Variants in SQSTM1 observed in about 807,000 individuals in gnomAD.
SQSTM1 encodes the protein sequestosome-1.
A neutral mutation model predicts 45.1 loss-of-function variants in SQSTM1; 36 were observed. The observed-to-expected ratio is 0.80, with a 90% CI of 0.61 to 1.05. The LOEUF (loss-of-function observed/expected upper bound fraction) is 1.05, where lower values mean the gene tolerates loss of function less well. Ranked by LOEUF, SQSTM1 falls within the 50% of genes least tolerant of loss-of-function variation. SQSTM1 has a pLI of 0.00. For missense variants in SQSTM1, 617 were observed against 607.1 expected (o/e 1.02, Z -0.17); for synonymous variants, 290 against 244.3 (o/e 1.19, Z -1.74).
At position 179,824,251 on chromosome 5, in the gene SQSTM1, G is replaced by T; in HGVS notation, c.601G>T (p.Gly201Cys). 6.2e-7 allele frequency: 1 copy of T among 1,613,850 alleles called. No individual in the cohort carries two copies. The highest frequency in any genetic ancestry group is 8.5e-7 in the Non-Finnish European group (1 of 1,180,054). ...GHFGWPGWEM[G>C]PPGNWSPRPP... ...CTTCGGGTGGCCAGGATGGGAAATGGGTCCACCAGGAAACTGGAGCCCACG... is the reference window on the plus strand; with the variant it reads ...CTTCGGGTGGCCAGGATGGGAAATGTGTCCACCAGGAAACTGGAGCCCACG... The change falls in exon 4 of 8, where the codon GGT (glycine) becomes TGT (cysteine). Residue 201 changes from glycine to cysteine, a missense_variant. By Grantham distance (159) the Gly-to-Cys change is radical (BLOSUM62 -3). Coordinates refer to ENST00000389805, the MANE Select transcript of SQSTM1 (RefSeq NM_003900.5).
At chr5:179,825,085 G>A in intron 4 of SQSTM1, 61 bp from the exon 5 acceptor site, 1 of 1,549,434 alleles carries the variant, frequency 6.5e-7, no homozygotes, top group South Asian at 1.1e-5. Context: ...AAGGTGACAG[G>A]ACTGTGACAG....
intron 7 of SQSTM1, chr5:179,835,134 C>CT: frequency 4.7e-6 from 1 of 214,654 alleles, no homozygotes; most frequent in Non-Finnish European, 9.6e-6. Context: ...GACAGGGCGG[C>CT]GGGGCAGAGG....
intron 5 of SQSTM1, among the ~76,000 whole-genome samples, chr5:179,827,211 C>T (rs1310785303): frequency 1.1e-4 from 17 of 149,256 alleles, no homozygotes; most frequent in Non-Finnish European, 4.5e-5. Flanking sequence ...TGGGGTCACA[C>T]TGTCTCAAGA....
In SQSTM1 at chr5:179,823,876, G is replaced by A. The variant is rs1757884834; in HGVS notation, c.320G>A (p.Arg107Gln). 2 of 1,612,616 alleles carry A rather than the reference G, an allele frequency of 1.2e-6. No individual in the cohort carries two copies. The highest frequency in any genetic ancestry group is 1.1e-5 in the South Asian group (1 of 91,062). Residue 107 changes from arginine (R) to glutamine (Q), a missense_variant, in exon 3 of 8, where the codon CGG becomes CAG. Transcript: ENST00000389805. ...IYIKEKKECR[R>Q]DHRPPCAQEA... ...CCTGTAGAGAAAAAAGAGTGCCGGC[G>A]GGACCACCGCCCACCGTGTGCTCAG... is the stretch of plus-strand genomic sequence containing the variant.
At chr5:179,824,694 C>T (rs1757925715) in intron 4 of SQSTM1, among the ~76,000 whole-genome samples, 1 of 152,126 alleles carries the variant, frequency 6.6e-6, no homozygotes, top group Admixed American at 6.6e-5. Context: ...TGCTGAAGTC[C>T]TTTGAAACAT....
At chr5:179,810,181 C>A (rs1185069769) in intron 1 of SQSTM1, among the ~76,000 whole-genome samples, 1 of 152,048 alleles carries the variant, frequency 6.6e-6, no homozygotes, top group Non-Finnish European at 1.5e-5. Context: ...AGGTTTGTTA[C>A]ATATGTATAC....
chr5:179,836,789 T>C lies in SQSTM1; in HGVS notation c.*196T>C. ...TCCCTGTGTGTGTGTGTGCTGATGT[T>C]TCCTGGGTGCCCTGGCTCCTTGCAG... On this transcript the variant is annotated 3_prime_UTR_variant, in exon 8 of 8. Transcript: ENST00000389805. 2 of 837,378 alleles carry C rather than the reference T, an allele frequency of 2.4e-6. No individual in the cohort carries two copies. The highest frequency in any genetic ancestry group is 3.0e-5 in the South Asian group (2 of 65,650). The allele number at this position is 837,378 out of a possible 1,614,324, so 51.9% of individuals were successfully genotyped here.
At chr5:179,834,492 T>C (rs1196107841) in intron 7 of SQSTM1, among the ~76,000 whole-genome samples, 5 of 151,708 alleles carry the variant, frequency 3.3e-5, no homozygotes, top group Non-Finnish European at 5.9e-5. Context: ...AGGACAATAG[T>C]GGAGGGAAGG....
upstream of SQSTM1, chr5:179,820,868 C>T: frequency 7.4e-7 from 1 of 1,353,084 alleles, no homozygotes; most frequent in Non-Finnish European, 9.6e-7. Context: ...GGGGCCTCCG[C>T]GTTCGCTACA....
At position 179,806,444 on chromosome 5, in the gene SQSTM1, G is replaced by T; in HGVS notation, c.-304G>T. The T allele has an allele frequency of 8.5e-7, 1 of 1,170,370 alleles. No homozygotes were observed. Among genetic ancestry groups the T allele is most frequent in the South Asian group, 2.4e-5 (1 of 42,040 alleles). The allele number at this position is 1,170,370 out of a possible 1,614,324, so 72.5% of individuals were successfully genotyped here. On this transcript the variant is annotated 5_prime_UTR_variant, in exon 1 of 6. Transcript: ENST00000514093. This position sits in a 1 kb window ranked among gnomAD's most constrained non-coding sequence, Gnocchi z 4.6. ...CGCCGGGCCCGCTCCCGCCGCCGAC[G>T]CCCAGGTGCGCCAGGTGCGGGCCGG... is the stretch of plus-strand genomic sequence containing the variant.
At position 179,833,238 on chromosome 5, in the gene SQSTM1, C is replaced by T. The variant is rs140226523; in HGVS notation, c.961C>T (p.Arg321Cys). 2,901 of 1,580,682 alleles carry T rather than the reference C, an allele frequency of 1.8e-3. 29 individuals are homozygous for T. In the African/African-American group the frequency reaches 0.027, roughly 15 times the overall value. The change falls in exon 6 of 8, where the codon CGC becomes TGC. Residue 321 changes from arginine (R) to cysteine (C), a missense_variant. Physicochemically the swap from Arg to Cys is radical, Grantham distance 180. Coordinates refer to ENST00000389805, the MANE Select transcript of SQSTM1 (RefSeq NM_003900.5). The part of the protein sequence containing the change: ...MRKIALESEG[R>C]PEEQMESDNC... ...GAAGATCGCCTTGGAGTCCGAGGGGCGCCCTGAGGCAAGCCTGTGCCCCTC... is the reference window on the plus strand; with the variant it reads ...GAAGATCGCCTTGGAGTCCGAGGGGTGCCCTGAGGCAAGCCTGTGCCCCTC...
At chr5:179,809,155 CTTTT>C (rs148749058) in intron 1 of SQSTM1, among the ~76,000 whole-genome samples, 1 of 100,230 alleles carries the variant, frequency 1.0e-5, no homozygotes. Flanking sequence ...CCACCCCGGC[CTTTT>C]TTTTTTTTTT....
rs1469270288 is a variant in SQSTM1 at position 179,810,705 on chromosome 5, T to C, written c.-156-869T>C. 2.0e-5 allele frequency among the ~76,000 whole-genome samples: 3 copies of C among 152,258 alleles called. No homozygotes were observed. In the East Asian group the frequency reaches 5.8e-4, roughly 29 times the overall value. On this transcript the variant is annotated intron_variant, in intron 1 of 5. Coordinates refer to the SQSTM1 transcript ENST00000514093. The stretch of plus-strand genomic sequence containing the variant: ...GGAATCGCTACACTGACTTCCACAA[T>C]GGTTGAACTAGTTTACAGTCCCACC...
chr5:179,811,581 G>A (rs1260821230), exon 2 of SQSTM1: 1 of 152,180 alleles, frequency 6.6e-6, no homozygotes, highest in Non-Finnish European at 1.5e-5. Context: ...AAGTGTCTGC[G>A]AGATTAATCT....
Position 179,824,166 on chromosome 5 carries a change from C to T in SQSTM1, c.532-16C>T, listed in dbSNP as rs1392728929. On this transcript the variant is annotated splice_polypyrimidine_tract_variant and intron_variant, in intron 3 of 7. Transcript: ENST00000389805. ...GACCCGCTCACTGCCTGCCGCTCTG[C>T]TAATTCCTCCCCCAGGGCTTCTCGC... is the stretch of plus-strand genomic sequence containing the variant. 3.1e-6 allele frequency: 5 copies of T among 1,613,616 alleles called. No individual in the cohort carries two copies. Among genetic ancestry groups the T allele is most frequent in the Admixed American group, 1.7e-5 (1 of 60,012 alleles).
chr5:179,813,925 C>G (rs1285502785), upstream of SQSTM1, among the ~76,000 whole-genome samples: 1 of 152,186 alleles, frequency 6.6e-6, no homozygotes, highest in African/African-American at 2.4e-5. Flanking sequence ...TCCTAGAAGT[C>G]CTTTGTTTTC....
At chr5:179,819,244 G>T (rs545557754), upstream of SQSTM1, among the ~76,000 whole-genome samples, 20 of 152,310 alleles carry the variant, frequency 1.3e-4, no homozygotes, top group Non-Finnish European at 2.8e-4. Flanking sequence ...GGGGCCGCAA[G>T]GCGTGCGGGG....
intron 6 of SQSTM1, 83 bp from the exon 7 acceptor site, chr5:179,833,504 A>ACTGT (rs1758345519): frequency 1.4e-6 from 2 of 1,476,786 alleles, no homozygotes; most frequent in African/African-American, 2.8e-5. Context: ...GTGCTCCCCG[A>ACTGT]CTGTCTGCCA....
At chr5:179,822,871 C>T (rs754629662) in intron 1 of SQSTM1, 87 bp from the exon 2 acceptor site, 1 of 1,147,232 alleles carries the variant, frequency 8.7e-7, no homozygotes, top group South Asian at 1.3e-5. Flanking sequence ...GTGAGTGTCC[C>T]TTTCATACTT....
Sources: allele counts gnomAD v4.1 joint callset (sites outside exome capture counted in the v4.1 genomes callset), GRCh38; gene constraint gnomAD v4.1.1; non-coding constraint Gnocchi (gnomAD v3.1); transcripts MANE v1.5; gene names NCBI Gene and HGNC (gene_info 2026-07-23, HGNC 2026-07-21).